Variants in BCL11B observed in about 807,000 individuals in gnomAD.
BCL11B encodes BCL11 transcription factor B.
BCL11B carries 8 observed loss-of-function variants against 49.9 expected under a neutral mutation model. That is an observed-to-expected ratio of 0.16 (90% CI 0.09 to 0.29). The LOEUF is 0.29. Ranked by LOEUF, BCL11B falls within the 10% of genes least tolerant of loss-of-function variation. The pLI, the probability that BCL11B is intolerant of heterozygous loss-of-function variation, is 1.00. For synonymous variants in BCL11B, 739 were observed against 637.4 expected, an observed-to-expected ratio of 1.16 and a Z score of -2.40; for missense variants, 1,006 against 1,351.0, an observed-to-expected ratio of 0.74 and a Z score of 4.00.
intron 2 of BCL11B, among the ~76,000 whole-genome samples, chr14:99,251,627 A>C (rs1156371499): frequency 1.3e-5 from 2 of 152,204 alleles, no homozygotes; most frequent in Non-Finnish European, 2.9e-5. Flanking sequence ...AGTGTACTTC[A>C]TTCTTTGTCA....
intron 2 of BCL11B, among the ~76,000 whole-genome samples, chr14:99,251,024 C>G: frequency 6.6e-6 from 1 of 152,164 alleles, no homozygotes; most frequent in East Asian, 1.9e-4. Flanking sequence ...CCACCGCCTC[C>G]CTGGAAGGCC....
At chr14:99,217,352 ACT>A (rs773454265) in intron 3 of BCL11B, among the ~76,000 whole-genome samples, 37 of 151,722 alleles carry the variant, frequency 2.4e-4, no homozygotes, top group Non-Finnish European at 4.6e-4. Flanking sequence ...GCACATATAC[ACT>A]CTCACGAGTA....
chr14:99,206,564 T>C (rs1887539171), intron 3 of BCL11B, among the ~76,000 whole-genome samples: 1 of 152,204 alleles, frequency 6.6e-6, no homozygotes, highest in African/African-American at 2.4e-5. Flanking sequence ...ACCTGCCCCT[T>C]AGTCACTAGT....
At chr14:99,220,770 G>A (rs531487095) in intron 3 of BCL11B, among the ~76,000 whole-genome samples, 11 of 152,142 alleles carry the variant, frequency 7.2e-5, no homozygotes, top group Non-Finnish European at 1.3e-4. Flanking sequence ...ACTCACAATC[G>A]AAGCATTGTG....
chr14:99,186,444 T>C (rs1267721366), intron 3 of BCL11B, among the ~76,000 whole-genome samples: 1 of 152,058 alleles, frequency 6.6e-6, no homozygotes, highest in Admixed American at 6.5e-5. Flanking sequence ...TGCTTGAACC[T>C]TGGAGGCGGA....
intron 3 of BCL11B, among the ~76,000 whole-genome samples, chr14:99,187,397 G>T: frequency 6.6e-6 from 1 of 152,288 alleles, no homozygotes; most frequent in East Asian, 1.9e-4. Flanking sequence ...AAATAATAAA[G>T]AATGCGTTGT....
At chr14:99,177,016 C>T (rs1287336880) in intron 3 of BCL11B, among the ~76,000 whole-genome samples, 1 of 151,980 alleles carries the variant, frequency 6.6e-6, no homozygotes, top group Admixed American at 6.6e-5. Flanking sequence ...ACCGTCTGTG[C>T]AGAAAGCACT....
chr14:99,174,544 G>C lies in BCL11B; in HGVS notation c.2292C>G (p.Leu764=). 6.6e-7 allele frequency: 1 copy of C among 1,511,738 alleles called. No homozygotes were observed. The allele number at this position is 1,511,738 out of a possible 1,614,324, so 93.6% of individuals were successfully genotyped here. Reference sequence around the variant, plus strand: ...CGCTGGCCGTGCCGCTGCGGCCCGAGAGGCCGCCGTCCAGCAGGTCCCCGG... The same window carrying C: ...CGCTGGCCGTGCCGCTGCGGCCCGACAGGCCGCCGTCCAGCAGGTCCCCGG... ...TPPGDLLDGG[L]SGRSGTASGG... Residue 764 remains leucine (L), a synonymous_variant, in exon 4 of 4, where the codon CTC becomes CTG. Transcript: ENST00000357195.
chr14:99,219,045 C>CT (rs5810929), intron 3 of BCL11B, among the ~76,000 whole-genome samples: 64 of 145,234 alleles, frequency 4.4e-4, no homozygotes, highest in Non-Finnish European at 4.9e-4. Context: ...TTTATTTCTT[C>CT]TTTTTTTTTT....
chr14:99,266,058 T>C (rs1889472997), intron 1 of BCL11B, among the ~76,000 whole-genome samples: 1 of 152,220 alleles, frequency 6.6e-6, no homozygotes, highest in African/African-American at 2.4e-5. Flanking sequence ...GACAACTGTT[T>C]GGGGTGAAAG....
chr14:99,259,044 G>A (rs1253787927), intron 1 of BCL11B, among the ~76,000 whole-genome samples: 1 of 152,156 alleles, frequency 6.6e-6, no homozygotes, highest in Non-Finnish European at 1.5e-5. Context: ...CAGTGTGGAG[G>A]TTTCATATTC....
rs1010734777 is a variant in BCL11B, at chr14:99,247,083, G to T, written c.427+10388C>A. ...TCCAGACCACAGCGCTGCAGTCTAC[G>T]CTGCCCTGACGCTGGAGTGTGGACC... On this transcript the variant is annotated intron_variant, in intron 2 of 3. Coordinates refer to ENST00000357195, the MANE Select transcript of BCL11B (RefSeq NM_138576.4). This position sits in a 1 kb window ranked among gnomAD's most constrained non-coding sequence, Gnocchi z 4.5. Among the ~76,000 whole-genome samples, 2 of 152,144 alleles carry T rather than the reference G, an allele frequency of 1.3e-5. No individual in the cohort carries two copies. Among genetic ancestry groups the T allele is most frequent in the African/African-American group, 4.8e-5 (2 of 41,432 alleles).
rs901555393 is a variant in BCL11B at position 99,242,038 on chromosome 14, G to A, written c.428-10481C>T. Among the ~76,000 whole-genome samples, 49 of 152,188 alleles carry A rather than the reference G, an allele frequency of 3.2e-4. No individual in the cohort carries two copies. Among genetic ancestry groups the A allele is most frequent in the Non-Finnish European group, 3.1e-4 (21 of 68,028 alleles). The stretch of plus-strand genomic sequence containing the variant: ...GGGTTTAAGGAAAGGGTGGGTAGAA[G>A]GGGACAGGAAAAGGGGAGTGGGGAG... On this transcript the variant is annotated intron_variant, in intron 2 of 3. Coordinates refer to ENST00000357195, the MANE Select transcript of BCL11B (RefSeq NM_138576.4). This position sits in a 1 kb window ranked among gnomAD's most constrained non-coding sequence, Gnocchi z 4.4.
chr14:99,218,945 G>T (rs1004586302), intron 3 of BCL11B, among the ~76,000 whole-genome samples: 1 of 152,244 alleles, frequency 6.6e-6, no homozygotes, highest in Admixed American at 6.5e-5. Context: ...GCCCACAGAG[G>T]CAGGGAATCA....
At chr14:99,269,875 T>TAAAAAAA in intron 1 of BCL11B, among the ~76,000 whole-genome samples, 1 of 41,210 alleles carries the variant, frequency 2.4e-5, no homozygotes, top group Non-Finnish European at 3.7e-5. Flanking sequence ...CTATTGCAGT[T>TAAAAAAA]AAAAAAAAAA....
rs373471690 is a variant in BCL11B, at chr14:99,175,540, G to A, written c.1296C>T (p.Cys432=). The A allele has an allele frequency of 5.0e-6, 8 of 1,604,246 alleles. No homozygotes were observed. The highest frequency in any genetic ancestry group is 2.2e-5 in the South Asian group (2 of 90,566). The part of the protein sequence containing the change: ...PPAKSKSCEF[C]GKTFKFQSNL... Reference sequence around the variant, plus strand: ...TGCTCTGGAACTTGAAGGTCTTGCCGCAGAACTCGCACGACTTGCTCTTGG... The same window carrying A: ...TGCTCTGGAACTTGAAGGTCTTGCCACAGAACTCGCACGACTTGCTCTTGG... The change falls in exon 4 of 4, where the codon TGC becomes TGT. Residue 432 remains cysteine (C), a synonymous_variant. Coordinates refer to ENST00000357195, the MANE Select transcript of BCL11B (RefSeq NM_138576.4).
In BCL11B at chr14:99,173,676, AC is replaced by A; in HGVS notation, c.*474del. On this transcript the variant is annotated 3_prime_UTR_variant, in exon 4 of 4. Coordinates refer to ENST00000357195, the MANE Select transcript of BCL11B (RefSeq NM_138576.4). ...AAGTCATTTGAGTGTTGGCTTCTTC[AC>A]AAGAAATTACACATGCTTAGCTTAA... 1 of 227,400 alleles carries A rather than the reference AC, an allele frequency of 4.4e-6. No homozygotes were observed. The highest frequency in any genetic ancestry group is 8.8e-6 in the Non-Finnish European group (1 of 114,276). 14.1% of individuals were successfully genotyped at this position (227,400 alleles called of 1,614,324 possible). A position where few individuals can be genotyped will look rare whatever the true frequency, so the allele number is the denominator to read the frequency against.
chr14:99,238,684 G>A (rs969311738), intron 2 of BCL11B, among the ~76,000 whole-genome samples: 1 of 152,166 alleles, frequency 6.6e-6, no homozygotes, highest in Non-Finnish European at 1.5e-5. Flanking sequence ...TCTTTTGCTT[G>A]TCTCTCGGGG....
At chr14:99,269,339 C>G (rs990214312) in intron 1 of BCL11B, among the ~76,000 whole-genome samples, 1 of 152,156 alleles carries the variant, frequency 6.6e-6, no homozygotes, top group Non-Finnish European at 1.5e-5. Context: ...GAAATGTCAA[C>G]TGGCAAAAAA....
Sources: gnomAD v4.1 joint callset for allele counts (sites outside exome capture counted in the v4.1 genomes callset) on GRCh38, gnomAD v4.1.1 for gene constraint, Gnocchi (gnomAD v3.1) non-coding constraint, MANE v1.5 for transcripts, NCBI Gene and HGNC (gene_info 2026-07-23, HGNC 2026-07-21) for gene names.